Variants in GCFC2 observed in about 807,000 individuals in gnomAD.
The protein encoded by GCFC2 is GC-rich sequence DNA-binding factor 2, also known as intron Large complex component GCFC2.
A neutral mutation model predicts 99.4 loss-of-function variants in GCFC2; 102 were observed. The ratio of observed to expected loss-of-function variants is 1.03; its 90% CI spans 0.87 to 1.21. The LOEUF is 1.21. GCFC2 is among the 50% of genes most tolerant of loss of function. GCFC2 has a pLI of 0.00. For missense variants in GCFC2, 973 were observed against 920.9 expected (o/e 1.06, Z -0.73); for synonymous variants, 338 against 316.8 (o/e 1.07, Z -0.71).
chr2:75,673,224 C>T (rs555761108), intron 13 of GCFC2, among the ~76,000 whole-genome samples: 4 of 151,922 alleles, frequency 2.6e-5, no homozygotes, highest in South Asian at 2.1e-4. Context: ...AGGAGAATGG[C>T]GTGAACCTGG....
chr2:75,674,255 T>C (rs971906251), intron 12 of GCFC2, among the ~76,000 whole-genome samples: 1 of 152,216 alleles, frequency 6.6e-6, no homozygotes, highest in African/African-American at 2.4e-5. Context: ...ATACTCCAGC[T>C]GTGGGTCCTT....
intron 7 of GCFC2, among the ~76,000 whole-genome samples, chr2:75,691,105 T>TAG (rs1680047803): frequency 6.6e-6 from 1 of 152,198 alleles, no homozygotes; most frequent in Non-Finnish European, 1.5e-5. Context: ...AGGGGACACC[T>TAG]TCTAAGAACC....
upstream of GCFC2, among the ~76,000 whole-genome samples, chr2:75,711,559 C>A (rs1681184364): frequency 6.6e-6 from 1 of 152,236 alleles, no homozygotes; most frequent in Non-Finnish European, 1.5e-5. Context: ...TAATGTTGAG[C>A]TACTGCACAC....
At chr2:75,682,613 T>C (rs1299301859) in intron 11 of GCFC2, among the ~76,000 whole-genome samples, 1 of 151,720 alleles carries the variant, frequency 6.6e-6, no homozygotes. Context: ...GTGACAGAAG[T>C]AGGCTTCAGA....
chr2:75,710,377 C>T (rs776392897), intron 1 of GCFC2: 5 of 1,177,626 alleles, frequency 4.2e-6, no homozygotes, highest in Non-Finnish European at 5.6e-6. Flanking sequence ...GTTTTATTTC[C>T]CCCAAGGAGT....
intron 1 of GCFC2, among the ~76,000 whole-genome samples, chr2:75,708,183 T>C (rs1490294619): frequency 1.3e-5 from 2 of 152,160 alleles, no homozygotes; most frequent in African/African-American, 4.8e-5. Context: ...ATGAGCCCGG[T>C]TGTGCCTATC....
At chr2:75,689,803 A>AT (rs946730641) in intron 9 of GCFC2, among the ~76,000 whole-genome samples, 166 bp downstream of exon 9, 23 of 152,208 alleles carry the variant, frequency 1.5e-4, no homozygotes, top group Non-Finnish European at 2.6e-4. Flanking sequence ...ATTTTACTCC[A>AT]TTTTTTCAGA....
chr2:75,690,622 C>T lies in GCFC2; in HGVS notation c.1226+16G>A, dbSNP rs1471404638. The T allele has an allele frequency of 6.8e-6, 8 of 1,185,112 alleles. No individual in the cohort carries two copies. Among genetic ancestry groups the T allele is most frequent in the Non-Finnish European group, 8.7e-6 (7 of 804,968 alleles). The allele number at this position is 1,185,112 out of a possible 1,614,324, so 73.4% of individuals were successfully genotyped here. On this transcript the variant is annotated intron_variant, in intron 8 of 16. Transcript: ENST00000321027. ...CTCAATGATGCTTTCTTTAAATCTTCACTTTATATAGGTACCTTCGAGATT... is the reference window on the plus strand; with the variant it reads ...CTCAATGATGCTTTCTTTAAATCTTTACTTTATATAGGTACCTTCGAGATT...
intron 12 of GCFC2, chr2:75,679,972 A>G: frequency 2.1e-6 from 1 of 476,200 alleles, no homozygotes; most frequent in South Asian, 5.2e-5. Flanking sequence ...TCATCTTATT[A>G]TTATAAAGAT....
intron 11 of GCFC2, among the ~76,000 whole-genome samples, chr2:75,682,239 A>G (rs1051624839): frequency 6.6e-6 from 1 of 151,856 alleles, no homozygotes; most frequent in African/African-American, 2.4e-5. Flanking sequence ...CGAAGCTTCC[A>G]GAGGAAGGAA....
chr2:75,697,255 A>G (rs1680369137), intron 4 of GCFC2, among the ~76,000 whole-genome samples: 1 of 152,230 alleles, frequency 6.6e-6, no homozygotes, highest in Non-Finnish European at 1.5e-5. Flanking sequence ...AGACACATGA[A>G]GAAAACTGAC....
intron 2 of GCFC2, among the ~76,000 whole-genome samples, chr2:75,705,086 C>A (rs752711688): frequency 6.6e-6 from 1 of 152,104 alleles, no homozygotes. Context: ...TTCAAGAGCT[C>A]AACAGCCACT....
chr2:75,691,449 G>A (rs1170909409), intron 7 of GCFC2, among the ~76,000 whole-genome samples: 1 of 152,074 alleles, frequency 6.6e-6, no homozygotes. Flanking sequence ...ACTAAGGGTT[G>A]TGTGTTTCAC....
intron 2 of GCFC2, among the ~76,000 whole-genome samples, chr2:75,703,574 T>C (rs1374786477): frequency 1.3e-5 from 2 of 152,220 alleles, no homozygotes; most frequent in African/African-American, 4.8e-5. Context: ...TTTGCTTTTT[T>C]ATAGATTAGT....
chr2:75,694,082 T>C (rs958940131), intron 6 of GCFC2, among the ~76,000 whole-genome samples, 159 bp downstream of exon 6: 4 of 142,118 alleles, frequency 2.8e-5, no homozygotes, highest in African/African-American at 1.1e-4. Flanking sequence ...TGCAAAAAAC[T>C]TGAATATCCA....
Position 75,694,324 on chromosome 2 carries a change from A to G in GCFC2, c.937T>C (p.Ser313Pro), listed in dbSNP as rs748600034. Residue 313 changes from serine to proline, a missense_variant, in exon 6 of 17, where the codon TCA (serine) becomes CCA (proline). Ser to Pro is a moderately conservative substitution (Grantham distance 74). Transcript: ENST00000321027. The part of the protein sequence containing the change: ...SKSTIQNLES[S>P]SNQALNCKFY... ...TTACAATTTAGAGCTTGATTTGATG[A>G]ACTCTCTAGGTTCTGGATGGTACTC... The G allele has an allele frequency of 1.5e-6, 2 of 1,370,124 alleles. No homozygotes were observed. Among genetic ancestry groups the G allele is most frequent in the Non-Finnish European group, 2.1e-6 (2 of 975,386 alleles). The allele number at this position is 1,370,124 out of a possible 1,614,324, so 84.9% of individuals were successfully genotyped here.
In GCFC2 at chr2:75,706,634, C is replaced by T. The variant is rs1326607072; in HGVS notation, c.283G>A (p.Val95Met). Reference sequence around the variant, plus strand: ...ATTTTATCCTCTTCATCTGTGGACACATCAAGGGTTCTGGATTCTAACAGG... The same window carrying T: ...ATTTTATCCTCTTCATCTGTGGACATATCAAGGGTTCTGGATTCTAACAGG... ...DEGSESRTLD[V>M]STDEEDKIHH... Residue 95 changes from valine to methionine, a missense_variant, in exon 2 of 17, where the codon GTG (valine) becomes ATG (methionine). Coordinates refer to ENST00000321027, the MANE Select transcript of GCFC2 (RefSeq NM_003203.5). The T allele has an allele frequency of 1.9e-6, 3 of 1,586,296 alleles. No homozygotes were observed. The highest frequency in any genetic ancestry group is 1.1e-5 in the South Asian group (1 of 88,170).
chr2:75,712,450 A>T (rs1031920148), upstream of GCFC2, among the ~76,000 whole-genome samples: 1 of 152,154 alleles, frequency 6.6e-6, no homozygotes, highest in African/African-American at 2.4e-5. Flanking sequence ...TAGCTCAGGG[A>T]TTGTAAACGC....
chr2:75,689,779 A>T (rs934065762), intron 9 of GCFC2, among the ~76,000 whole-genome samples, 190 bp downstream of exon 9: 1 of 152,080 alleles, frequency 6.6e-6, no homozygotes, highest in Non-Finnish European at 1.5e-5. Context: ...AATACTCACA[A>T]TGTTCCTTCC....
Sources: gnomAD v4.1 joint callset for allele counts (sites outside exome capture counted in the v4.1 genomes callset) on GRCh38, gnomAD v4.1.1 for gene constraint, MANE v1.5 for transcripts, NCBI Gene and HGNC (gene_info 2026-07-23, HGNC 2026-07-21) for gene names.